Variants in SNX29 observed in about 807,000 individuals in gnomAD.
SNX29 encodes the protein sorting nexin 29.
SNX29 carries 78 observed loss-of-function variants against 102.1 expected under a neutral mutation model. The observed-to-expected ratio is 0.76, with a 90% CI of 0.64 to 0.92. The LOEUF is 0.92. SNX29 is among the 40% of genes least tolerant of loss of function. The pLI is 0.00. For missense variants in SNX29, 1,280 were observed against 1,061.7 expected (o/e 1.21, Z -2.86); for synonymous variants, 580 against 414.5 (o/e 1.40, Z -4.85).
At chr16:12,390,149 GGTGTGT>G (rs34547147) in intron 16 of SNX29, among the ~76,000 whole-genome samples, 50 of 145,670 alleles carry the variant, frequency 3.4e-4, no homozygotes, top group South Asian at 1.1e-3. Flanking sequence ...GCAATTGAGG[GGTGTGT>G]GTGTGTGTGT....
At chr16:12,040,354 C>T (rs756795662) in intron 4 of SNX29, among the ~76,000 whole-genome samples, 6 of 151,942 alleles carry the variant, frequency 3.9e-5, no homozygotes, top group Non-Finnish European at 8.8e-5. Flanking sequence ...GAGGGAGAGG[C>T]CCTGTCTCAA....
At chr16:12,523,953 C>T (rs748275931) in intron 19 of SNX29, among the ~76,000 whole-genome samples, 1 of 152,124 alleles carries the variant, frequency 6.6e-6, no homozygotes, top group East Asian at 1.9e-4. Flanking sequence ...ATGGTGCCAT[C>T]TTGGCTCACC....
intron 13 of SNX29, among the ~76,000 whole-genome samples, chr16:12,137,821 C>T (rs879491046): frequency 6.6e-6 from 1 of 152,202 alleles, no homozygotes; most frequent in South Asian, 2.1e-4. Context: ...ATGGGGAATA[C>T]TGGCTTGAAT....
At chr16:12,007,496 C>G (rs529256153) in intron 3 of SNX29, among the ~76,000 whole-genome samples, 26 of 152,204 alleles carry the variant, frequency 1.7e-4, no homozygotes, top group African/African-American at 6.0e-4. Context: ...GAGAGTAAGA[C>G]TCTCTCAAAA....
At chr16:12,379,397 A>G (rs928821877) in intron 16 of SNX29, among the ~76,000 whole-genome samples, 1 of 152,228 alleles carries the variant, frequency 6.6e-6, no homozygotes, top group African/African-American at 2.4e-5. Context: ...TATTGGGATT[A>G]CAGGCGTGAG....
At chr16:12,061,089 G>C (rs1370832816) in intron 8 of SNX29, among the ~76,000 whole-genome samples, 29 of 152,200 alleles carry the variant, frequency 1.9e-4, no homozygotes, top group Admixed American at 1.9e-3. Flanking sequence ...TCACTCGGTG[G>C]CTTGGGCTTC....
chr16:12,476,704 T>C (rs2087671074), intron 18 of SNX29, among the ~76,000 whole-genome samples: 2 of 151,890 alleles, frequency 1.3e-5, no homozygotes, highest in Non-Finnish European at 1.5e-5. Context: ...CTAATTGAAA[T>C]GTCGTGGTTT....
intron 13 of SNX29, among the ~76,000 whole-genome samples, chr16:12,141,117 C>T (rs772951113): frequency 1.4e-4 from 22 of 152,200 alleles, no homozygotes; most frequent in Non-Finnish European, 2.8e-4. Context: ...AGAAGTCATT[C>T]TTTAGAAGGA....
intron 20 of SNX29, among the ~76,000 whole-genome samples, chr16:12,542,005 G>A (rs766125550): frequency 1.1e-4 from 17 of 152,280 alleles, no homozygotes; most frequent in South Asian, 2.1e-4. Context: ...AAGGGCTCAC[G>A]TTTGCAGCAC....
At chr16:12,542,717 T>C (rs1359421396) in intron 20 of SNX29, among the ~76,000 whole-genome samples, 1 of 151,238 alleles carries the variant, frequency 6.6e-6, no homozygotes, top group African/African-American at 2.4e-5. Context: ...CCCAGTCTTT[T>C]ACTCTTAAAT....
In SNX29 at chr16:12,339,370, C is replaced by CAAAAAAAAAAAA. The variant is rs58148692; in HGVS notation, c.1783-16780_1783-16769dup. On this transcript the variant is annotated intron_variant, in intron 15 of 20. Coordinates refer to ENST00000566228, the MANE Select transcript of SNX29 (RefSeq NM_032167.5). Reference sequence around the variant, plus strand: ...TGGGCGACAGAGTGAGATTCTGTCTCAAAAAAAAAAAAAAAAAAAAAAAAG... The same window carrying CAAAAAAAAAAAA: ...TGGGCGACAGAGTGAGATTCTGTCTCAAAAAAAAAAAAAAAAAAAAAAAAAAAAAAAAAAAAG... Among the ~76,000 whole-genome samples, 322 of 56,268 alleles carry CAAAAAAAAAAAA rather than the reference C, an allele frequency of 5.7e-3. 41 individuals carry two copies. Among genetic ancestry groups the CAAAAAAAAAAAA allele is most frequent in the African/African-American group, 0.022 (270 of 12,422 alleles). The allele number at this position is 56,268 out of a possible 152,430, so 36.9% of individuals were successfully genotyped here.
chr16:12,143,476 T>C (rs2054938834), intron 13 of SNX29, among the ~76,000 whole-genome samples: 1 of 152,122 alleles, frequency 6.6e-6, no homozygotes, highest in Non-Finnish European at 1.5e-5. Context: ...GCGGTGCTCG[T>C]CCTTAGTGTC....
chr16:12,441,326 G>A (rs1425893173), intron 18 of SNX29, among the ~76,000 whole-genome samples: 1 of 151,984 alleles, frequency 6.6e-6, no homozygotes, highest in Non-Finnish European at 1.5e-5. Context: ...CTGACCTTGT[G>A]ATCCACCCAC....
Position 11,985,181 on chromosome 16 carries a change from A to G in SNX29, c.7+8368A>G, listed in dbSNP as rs139134525. Among the ~76,000 whole-genome samples the G allele has an allele frequency of 2.1e-3, 324 of 152,150 alleles. 3 individuals are homozygous for G. The highest frequency in any genetic ancestry group is 7.6e-3 in the African/African-American group (316 of 41,504). Reference sequence around the variant, plus strand: ...TGGTTGCACTAGTTTCAATGCTGCTAGTAAGAATAAGGGCTCTGGTGGAAG... The same window carrying G: ...TGGTTGCACTAGTTTCAATGCTGCTGGTAAGAATAAGGGCTCTGGTGGAAG... On this transcript the variant is annotated intron_variant, in intron 1 of 20. Coordinates refer to ENST00000566228, the MANE Select transcript of SNX29 (RefSeq NM_032167.5).
intron 15 of SNX29, among the ~76,000 whole-genome samples, chr16:12,341,840 A>C (rs1771312458): frequency 6.6e-6 from 1 of 152,206 alleles, no homozygotes; most frequent in African/African-American, 2.4e-5. Context: ...CATGGTGAGC[A>C]CCAGTATCTC....
At chr16:12,193,889 A>G (rs974391404) in intron 13 of SNX29, among the ~76,000 whole-genome samples, 2 of 152,188 alleles carry the variant, frequency 1.3e-5, no homozygotes, top group Non-Finnish European at 2.9e-5. Flanking sequence ...TGAGGGCTGT[A>G]GCTTTACAGG....
intron 17 of SNX29, among the ~76,000 whole-genome samples, chr16:12,398,980 G>C (rs1173459210): frequency 6.6e-6 from 1 of 152,118 alleles, no homozygotes; most frequent in East Asian, 1.9e-4. Context: ...TCCATGCCTT[G>C]GTCGGATTTT....
intron 20 of SNX29, among the ~76,000 whole-genome samples, chr16:12,529,209 CTG>C (rs1190279304): frequency 6.6e-6 from 1 of 152,196 alleles, no homozygotes; most frequent in African/African-American, 2.4e-5. Flanking sequence ...ATTTTGAACT[CTG>C]TATATCAGTG....
At chr16:12,433,748 T>TG (rs1187593568) in intron 18 of SNX29, among the ~76,000 whole-genome samples, 2 of 151,524 alleles carry the variant, frequency 1.3e-5, no homozygotes, top group Admixed American at 6.6e-5. Context: ...CGCTTGAACC[T>TG]GGGGGGCGGA....
Sources: gnomAD v4.1 joint callset for allele counts (sites outside exome capture counted in the v4.1 genomes callset) on GRCh38, gnomAD v4.1.1 for gene constraint, MANE v1.5 for transcripts, NCBI Gene and HGNC (gene_info 2026-07-23, HGNC 2026-07-21) for gene names.